CATSPERT: variants seen among roughly 807,000 people sequenced by gnomAD.
CATSPERT encodes catsper channel auxiliary subunit tau, also known as cation channel sperm-associated targeting subunit tau.
the CATSPERT span, chr2:201,574,283 CAT>C: frequency 9.5e-5 from 151 of 1,595,974 alleles, no homozygotes; most frequent in Middle Eastern, 1.5e-3. Context: ...ACAAACTAAA[CAT>C]GTGATAAATT....
the CATSPERT span, chr2:201,550,025 G>T: frequency 6.6e-6 from 1 of 152,090 alleles, no homozygotes; most frequent in Non-Finnish European, 1.5e-5. Context: ...GGAGATTTAT[G>T]ACCACTAGAA....
At chr2:201,492,626 A>C in the CATSPERT span, 1 of 1,525,418 alleles carries the variant, frequency 6.6e-7, no homozygotes, top group Non-Finnish European at 8.8e-7. Context: ...TTTAGGAAAT[A>C]GTTTTGGAGA....
At chr2:201,493,578 C>T in the CATSPERT span, 1 of 1,536,998 alleles carries the variant, frequency 6.5e-7, no homozygotes, top group Non-Finnish European at 8.7e-7. Flanking sequence ...CAGATCTGGG[C>T]TGTGGCAATT....
At chr2:201,535,591 T>A in the CATSPERT span, 1 of 1,055,464 alleles carries the variant, frequency 9.5e-7, no homozygotes, top group African/African-American at 1.7e-5. Context: ...CGTTACACTT[T>A]CAGCTGAATT....
chr2:201,558,888 CCAGTTGCA>C, the CATSPERT span, among the ~76,000 whole-genome samples: 1 of 152,146 alleles, frequency 6.6e-6, no homozygotes, highest in African/African-American at 2.4e-5. Flanking sequence ...ACACTACACC[CCAGTTGCA>C]CAGAGCCTGG....
chr2:201,574,080 G>T, the CATSPERT span: 13 of 533,386 alleles, frequency 2.4e-5, no homozygotes, highest in Admixed American at 4.5e-4. Flanking sequence ...CCTCAAAGTC[G>T]GGAGGTAAAG....
At chr2:201,489,799 A>G in the CATSPERT span, among the ~76,000 whole-genome samples, 4 of 151,952 alleles carry the variant, frequency 2.6e-5, no homozygotes, top group African/African-American at 9.7e-5. Context: ...TTCCATTCCT[A>G]GATTTTAAAT....
chr2:201,515,682 A>G, the CATSPERT span, among the ~76,000 whole-genome samples: 1 of 152,346 alleles, frequency 6.6e-6, no homozygotes, highest in South Asian at 2.1e-4. Flanking sequence ...GTCATGTGCC[A>G]TATAAAGACC....
At chr2:201,571,402 T>G in the CATSPERT span, among the ~76,000 whole-genome samples, 2 of 152,200 alleles carry the variant, frequency 1.3e-5, no homozygotes, top group African/African-American at 4.8e-5. Context: ...CATTTTTCTA[T>G]AATCTATTTT....
the CATSPERT span, among the ~76,000 whole-genome samples, chr2:201,566,628 C>T: frequency 6.6e-6 from 1 of 150,588 alleles, no homozygotes; most frequent in East Asian, 1.9e-4. Flanking sequence ...GGGTTAGTTC[C>T]AAGTCTTGCT....
At chr2:201,501,325 G>A in the CATSPERT span, among the ~76,000 whole-genome samples, 1 of 148,450 alleles carries the variant, frequency 6.7e-6, no homozygotes, top group Admixed American at 6.9e-5. Context: ...AACCCAGGAG[G>A]TGGAGGTTGC....
the CATSPERT span, among the ~76,000 whole-genome samples, chr2:201,559,534 C>A: frequency 1.1e-4 from 16 of 152,222 alleles, no homozygotes; most frequent in Non-Finnish European, 2.2e-4. Flanking sequence ...GGCAGGAATA[C>A]TCCCAGGTCA....
the CATSPERT span, among the ~76,000 whole-genome samples, chr2:201,515,929 TAAC>T: frequency 1.3e-5 from 2 of 152,358 alleles, no homozygotes; most frequent in Admixed American, 1.3e-4. Context: ...TACACACCCT[TAAC>T]AATAGATGCT....
At chr2:201,581,591 T>TATATATATAC in the CATSPERT span, among the ~76,000 whole-genome samples, 6 of 45,336 alleles carry the variant, frequency 1.3e-4, no homozygotes, top group Non-Finnish European at 2.0e-4. Context: ...TATATATATA[T>TATATATATAC]ATACACATAC....
chr2:201,590,874 G>A, the CATSPERT span, among the ~76,000 whole-genome samples: 21 of 151,388 alleles, frequency 1.4e-4, no homozygotes, highest in African/African-American at 4.8e-4. Flanking sequence ...TGTAGATTCT[G>A]GATATTAGCC....
the CATSPERT span, chr2:201,582,040 T>C: frequency 3.8e-6 from 6 of 1,572,854 alleles, no homozygotes; most frequent in Non-Finnish European, 5.1e-6. Context: ...CACAACAAAC[T>C]GGACAACCAA....
At chr2:201,521,555 T>G in the CATSPERT span, among the ~76,000 whole-genome samples, 1 of 152,150 alleles carries the variant, frequency 6.6e-6, no homozygotes, top group African/African-American at 2.4e-5. Flanking sequence ...TCCCCCATGA[T>G]GCAATCATCT....
At chr2:201,586,477 G>A in the CATSPERT span, among the ~76,000 whole-genome samples, 711 of 151,902 alleles carry the variant, frequency 4.7e-3, 5 homozygotes, top group Non-Finnish European at 8.1e-3. Context: ...CTACAGTAAC[G>A]TTACATACAT....
the CATSPERT span, chr2:201,582,066 C>A: frequency 6.3e-7 from 1 of 1,589,510 alleles, no homozygotes; most frequent in Non-Finnish European, 8.5e-7. Flanking sequence ...AACGTGATAC[C>A]AAGGTGAAAA....
Sources: allele counts gnomAD v4.1 joint callset (sites outside exome capture counted in the v4.1 genomes callset), GRCh38; gene constraint gnomAD v4.1.1; transcripts MANE v1.5; gene names NCBI Gene and HGNC (gene_info 2026-07-23, HGNC 2026-07-21).